Variants in GREM2 observed in about 807,000 individuals in gnomAD.
The protein encoded by GREM2 is gremlin 2, DAN family BMP antagonist.
A neutral mutation model predicts 14.2 loss-of-function variants in GREM2; 11 were observed. The ratio of observed to expected loss-of-function variants is 0.78; its 90% CI spans 0.49 to 1.28. The LOEUF (loss-of-function observed/expected upper bound fraction) is 1.28, where lower values mean the gene tolerates loss of function less well. GREM2 is among the 50% of genes most tolerant of loss of function. The pLI, the probability that GREM2 is intolerant of heterozygous loss-of-function variation, is 0.00. For missense variants in GREM2, 210 were observed against 218.5 expected (o/e 0.96, Z 0.24); for synonymous variants, 98 against 97.6 (o/e 1.00, Z -0.02).
intron 1 of GREM2, among the ~76,000 whole-genome samples, chr1:240,572,538 A>T (rs1401680004): frequency 1.3e-5 from 2 of 152,212 alleles, no homozygotes; most frequent in Non-Finnish European, 2.9e-5. Flanking sequence ...CAACAGAGGG[A>T]AAACACTCCC....
chr1:240,579,515 A>G (rs560569921), intron 1 of GREM2, among the ~76,000 whole-genome samples: 1 of 152,300 alleles, frequency 6.6e-6, no homozygotes, highest in South Asian at 2.1e-4. Context: ...TTTGTAAACC[A>G]TAACAACAGA....
chr1:240,605,708 C>T (rs1204112468), intron 1 of GREM2, among the ~76,000 whole-genome samples: 1 of 151,746 alleles, frequency 6.6e-6, no homozygotes, highest in African/African-American at 2.4e-5. Flanking sequence ...TTGTTAATTT[C>T]CAAGGGGAAG....
chr1:240,587,913 C>A (rs1679630077), intron 1 of GREM2, among the ~76,000 whole-genome samples: 1 of 152,084 alleles, frequency 6.6e-6, no homozygotes, highest in Non-Finnish European at 1.5e-5. Flanking sequence ...CTGCCCTATT[C>A]CCTCCAGTCC....
At chr1:240,549,195 G>A (rs140118344) in intron 1 of GREM2, among the ~76,000 whole-genome samples, 3,723 of 152,148 alleles carry the variant, frequency 0.024, 81 homozygotes, top group Middle Eastern at 0.037. Context: ...AATTAGCCAG[G>A]TGTGGTGGCA....
At position 240,493,492 on chromosome 1, in the gene GREM2, G is replaced by A; in HGVS notation, c.-1-16C>T. 6.3e-7 allele frequency: 1 copy of A among 1,588,930 alleles called. No individual in the cohort carries two copies. The highest frequency in any genetic ancestry group is 8.6e-7 in the Non-Finnish European group (1 of 1,166,818). ...CCAGAACATCCTGCAAACGAGAAAA[G>A]AGAGGGGCTGGCTGTGAAGGGCCGT... On this transcript the variant is annotated splice_polypyrimidine_tract_variant and intron_variant, in intron 1 of 1. Coordinates refer to ENST00000318160, the MANE Select transcript of GREM2 (RefSeq NM_022469.4).
intron 1 of GREM2, among the ~76,000 whole-genome samples, chr1:240,505,531 TACTA>T (rs1369049133): frequency 3.9e-5 from 6 of 152,138 alleles, no homozygotes; most frequent in African/African-American, 1.4e-4. Flanking sequence ...AATAATTACT[TACTA>T]AATTTATAAA....
At position 240,490,925 on chromosome 1, in the gene GREM2, G is replaced by C. The variant is rs887974350; in HGVS notation, c.*2044C>G. On this transcript the variant is annotated 3_prime_UTR_variant, in exon 2 of 2. Coordinates refer to ENST00000318160, the MANE Select transcript of GREM2 (RefSeq NM_022469.4). ...TTTCTGCTGCATGTTCTGCCACTGAGTCTGACTTGAGGTTTTCCACCAAAT... is the reference window on the plus strand; with the variant it reads ...TTTCTGCTGCATGTTCTGCCACTGACTCTGACTTGAGGTTTTCCACCAAAT... 2.0e-5 allele frequency: 3 copies of C among 152,278 alleles called. No homozygotes were observed. The highest frequency in any genetic ancestry group is 2.9e-5 in the Non-Finnish European group (2 of 68,104). The allele number at this position is 152,278 out of a possible 1,614,324, so 9.4% of individuals were successfully genotyped here.
At chr1:240,571,194 ACATTCCCTAC>A (rs1679254823) in intron 1 of GREM2, among the ~76,000 whole-genome samples, 1 of 152,228 alleles carries the variant, frequency 6.6e-6, no homozygotes, top group East Asian at 1.9e-4. Flanking sequence ...TTAAAAAAGA[ACATTCCCTAC>A]CACAGGCAGA....
chr1:240,548,107 TAA>T lies in GREM2; in HGVS notation c.-1-54633_-1-54632del, dbSNP rs72226155. On this transcript the variant is annotated intron_variant, in intron 1 of 1. Coordinates refer to ENST00000318160, the MANE Select transcript of GREM2 (RefSeq NM_022469.4). ...TGAAACCCCATCTCAACTAAAAATT[TAA>T]AAAAAAAAAAAAAAAATTAGCCAGG... 4.6e-3 allele frequency among the ~76,000 whole-genome samples: 639 copies of T among 137,430 alleles called. 1 individual carries two copies. The highest frequency in any genetic ancestry group is 0.011 in the African/African-American group (395 of 36,728). The allele number at this position is 137,430 out of a possible 152,430, so 90.2% of individuals were successfully genotyped here. A position where few individuals can be genotyped will look rare whatever the true frequency, so the allele number is the denominator to read the frequency against.
chr1:240,548,749 G>A (rs1572393850), intron 1 of GREM2, among the ~76,000 whole-genome samples: 1 of 152,128 alleles, frequency 6.6e-6, no homozygotes, highest in Non-Finnish European at 1.5e-5. Context: ...GAAATAAAAG[G>A]GAAGTGAGGG....
chr1:240,521,688 A>C (rs1355085626), intron 1 of GREM2, among the ~76,000 whole-genome samples: 1 of 152,232 alleles, frequency 6.6e-6, no homozygotes, highest in Non-Finnish European at 1.5e-5. Context: ...TTCACACTAG[A>C]GAACTTGCCT....
intron 1 of GREM2, among the ~76,000 whole-genome samples, chr1:240,567,557 A>C (rs1558165916): frequency 1.3e-5 from 2 of 152,186 alleles, no homozygotes; most frequent in Non-Finnish European, 2.9e-5. Flanking sequence ...ATAAACCTAG[A>C]ATTCAATATT....
At chr1:240,494,681 C>T (rs1222633695) in intron 1 of GREM2, among the ~76,000 whole-genome samples, 1 of 152,022 alleles carries the variant, frequency 6.6e-6, no homozygotes, top group Non-Finnish European at 1.5e-5. Context: ...GCAGGCGGAT[C>T]ACGAGGTCAG....
chr1:240,543,346 G>T lies in GREM2; in HGVS notation c.-1-49870C>A, dbSNP rs993110717. On this transcript the variant is annotated intron_variant, in intron 1 of 1. Coordinates refer to ENST00000318160, the MANE Select transcript of GREM2 (RefSeq NM_022469.4). This position sits in a 1 kb window ranked among gnomAD's most constrained non-coding sequence, Gnocchi z 6.4. ...TTTAATTTACTCACAGTTCCACATG[G>T]CTGGGGAGGCCTCACAATCAAGGCA... Among the ~76,000 whole-genome samples the T allele has an allele frequency of 3.9e-5, 6 of 152,158 alleles. No individual in the cohort carries two copies. The highest frequency in any genetic ancestry group is 1.2e-4 in the African/African-American group (5 of 41,430).
chr1:240,537,459 A>G (rs1355423621), intron 1 of GREM2, among the ~76,000 whole-genome samples: 1 of 152,110 alleles, frequency 6.6e-6, no homozygotes, highest in African/African-American at 2.4e-5. Context: ...GCACTGACAA[A>G]AAAAGAGGGG....
chr1:240,524,427 G>A (rs573747238), intron 1 of GREM2, among the ~76,000 whole-genome samples: 43 of 152,260 alleles, frequency 2.8e-4, no homozygotes, highest in African/African-American at 9.9e-4. Context: ...AGAATAGGGA[G>A]TTCAGAAAAA....
intron 1 of GREM2, among the ~76,000 whole-genome samples, chr1:240,496,884 C>A (rs1464851965): frequency 6.6e-6 from 1 of 152,088 alleles, no homozygotes; most frequent in East Asian, 1.9e-4. Context: ...TGGTGGCACA[C>A]ACCTGTAGTC....
chr1:240,563,129 A>ATG (rs1158403371), intron 1 of GREM2, among the ~76,000 whole-genome samples: 3 of 126,168 alleles, frequency 2.4e-5, no homozygotes, highest in African/African-American at 9.6e-5. Flanking sequence ...GTGAGTGTGT[A>ATG]TGTGTATGTG....
At chr1:240,590,831 G>C (rs907021984) in intron 1 of GREM2, 1 of 151,006 alleles carries the variant, frequency 6.6e-6, no homozygotes, top group Non-Finnish European at 1.5e-5. Flanking sequence ...TGTTGCCCAG[G>C]CTGGAGTGCA....
Sources: gnomAD v4.1 joint callset for allele counts (sites outside exome capture counted in the v4.1 genomes callset) on GRCh38, gnomAD v4.1.1 for gene constraint, Gnocchi (gnomAD v3.1) non-coding constraint, MANE v1.5 for transcripts, NCBI Gene and HGNC (gene_info 2026-07-23, HGNC 2026-07-21) for gene names.